TNIP1: variants seen among roughly 807,000 people sequenced by gnomAD.
TNIP1 encodes the protein TNFAIP3-interacting protein 1.
In TNIP1, 22 loss-of-function variants were observed where a neutral mutation model predicts 86.6. The ratio of observed to expected loss-of-function variants is 0.25; its 90% CI spans 0.18 to 0.36. The LOEUF (loss-of-function observed/expected upper bound fraction) is 0.36. TNIP1 is among the 10% of genes least tolerant of loss of function. TNIP1 has a pLI of 1.00. For missense variants in TNIP1, 709 were observed against 820.6 expected (o/e 0.86, Z 1.66); for synonymous variants, 294 against 313.0 (o/e 0.94, Z 0.64).
At chr5:151,056,686 T>C in intron 6 of TNIP1, 80 bp downstream of exon 6, 1 of 1,350,924 alleles carries the variant, frequency 7.4e-7, no homozygotes, top group Non-Finnish European at 9.7e-7. Flanking sequence ...TACCAGTGGA[T>C]TCCCAGGAGC....
In TNIP1 at chr5:151,032,327, G is replaced by T; in HGVS notation, c.1836C>A (p.Ser612=). Residue 612 remains serine (S), a synonymous_variant, in exon 17 of 18, where the codon TCC becomes TCA. Coordinates refer to ENST00000521591, the MANE Select transcript of TNIP1 (RefSeq NM_006058.5). The part of the protein sequence containing the change: ...CGGVRNPNQS[S]QVMDPPTARP... Reference sequence around the variant, plus strand: ...TGGCTGTGGGAGGGTCCATCACTTGGGAGCTCTGATTTGGATTTCGAACCC... The same window carrying T: ...TGGCTGTGGGAGGGTCCATCACTTGTGAGCTCTGATTTGGATTTCGAACCC... 6.2e-7 allele frequency: 1 copy of T among 1,614,060 alleles called. No homozygotes were observed. Among genetic ancestry groups the T allele is most frequent in the Non-Finnish European group, 8.5e-7 (1 of 1,179,982 alleles).
chr5:151,038,576 G>A (rs550570401), intron 12 of TNIP1, among the ~76,000 whole-genome samples: 2 of 152,270 alleles, frequency 1.3e-5, no homozygotes, highest in South Asian at 2.1e-4. Flanking sequence ...GCACAAGGGC[G>A]GGCCCCTCAG....
At chr5:151,084,810 C>G (rs993711044), upstream of TNIP1, among the ~76,000 whole-genome samples, 3 of 152,094 alleles carry the variant, frequency 2.0e-5, no homozygotes, top group African/African-American at 7.2e-5. Context: ...AGTGTAAGAC[C>G]CTCCAGTGGA....
chr5:151,054,263 G>A (rs534881751), intron 6 of TNIP1, among the ~76,000 whole-genome samples: 1 of 152,334 alleles, frequency 6.6e-6, no homozygotes, highest in African/African-American at 2.4e-5. Context: ...CTTTTGTTGT[G>A]TAACCCAGGG....
intron 10 of TNIP1, 51 bp downstream of exon 10, chr5:151,042,845 G>A (rs753206896): frequency 5.6e-6 from 9 of 1,610,296 alleles, no homozygotes; most frequent in East Asian, 4.5e-5. Context: ...AAGAGGCAGC[G>A]AGATGAAGAC....
At chr5:151,035,537 C>G (rs2233302) in intron 14 of TNIP1, 45 bp downstream of exon 14, 178,630 of 1,613,466 alleles carry the variant, frequency 0.11, 10,376 homozygotes, top group Middle Eastern at 0.19. Context: ...CCCCTCTCCC[C>G]ACGAGGACAG....
At chr5:151,067,695 T>C (rs890786489) in intron 1 of TNIP1, among the ~76,000 whole-genome samples, 3 of 152,148 alleles carry the variant, frequency 2.0e-5, no homozygotes, top group Non-Finnish European at 4.4e-5. Context: ...TGTGCCAGGG[T>C]ATCTTCAGAG....
chr5:151,033,775 C>T lies in TNIP1; in HGVS notation c.1612G>A (p.Glu538Lys). The T allele has an allele frequency of 7.3e-7, 1 of 1,364,390 alleles. No homozygotes were observed. The highest frequency in any genetic ancestry group is 9.5e-7 in the Non-Finnish European group (1 of 1,051,790). The allele number at this position is 1,364,390 out of a possible 1,614,324, so 84.5% of individuals were successfully genotyped here. A position where few individuals can be genotyped will look rare whatever the true frequency, so the allele number is the denominator to read the frequency against. Residue 538 changes from glutamate (E) to lysine (K), a missense_variant, in exon 16 of 18, where the codon GAG becomes AAG. Coordinates refer to ENST00000521591, the MANE Select transcript of TNIP1 (RefSeq NM_006058.5). ...AKASGERYHV[E>K]PHPEHLCGAY... is the part of the protein sequence containing the mutation. ...CCGCAGAGATGTTCTGGGTGGGGCT[C>T]CACATGGTAACGCTCTCCTGAGGCC...
chr5:151,063,908 A>G (rs544732701), intron 2 of TNIP1, among the ~76,000 whole-genome samples, 161 bp from the exon 3 acceptor site: 4 of 152,296 alleles, frequency 2.6e-5, no homozygotes, highest in Non-Finnish European at 2.9e-5. Flanking sequence ...GACAAACTCC[A>G]TGCTGGTCCA....
intron 13 of TNIP1, 92 bp downstream of exon 13, chr5:151,036,698 A>C (rs1364232322): frequency 9.5e-6 from 15 of 1,586,108 alleles, no homozygotes; most frequent in Admixed American, 1.7e-5. Flanking sequence ...TACTAATTAC[A>C]GGTTCCATGT....
intron 9 of TNIP1, among the ~76,000 whole-genome samples, chr5:151,045,255 A>C (rs1270673645): frequency 6.6e-6 from 1 of 151,970 alleles, no homozygotes; most frequent in Non-Finnish European, 1.5e-5. Flanking sequence ...ATGCCCGCTA[A>C]TTTTTTGTAT....
In TNIP1 at chr5:151,064,566, C is replaced by T. The variant is rs149243334; in HGVS notation, c.136+394G>A. Reference sequence around the variant, plus strand: ...CCTCCTTGCTTCAAGCCAAGCTCTGCTCCCTGCTCCAACACCTAGGAACGC... The same window carrying T: ...CCTCCTTGCTTCAAGCCAAGCTCTGTTCCCTGCTCCAACACCTAGGAACGC... On this transcript the variant is annotated intron_variant, in intron 2 of 17. Transcript: ENST00000521591. Among the ~76,000 whole-genome samples the T allele has an allele frequency of 1.5e-4, 22 of 147,522 alleles. No individual in the cohort carries two copies. The East Asian group carries it at 4.5e-3, about 30-fold the overall frequency.
Position 151,033,661 on chromosome 5 carries a change from G to A in TNIP1, c.1726C>T (p.Pro576Ser), listed in dbSNP as rs150564405. ...DWSQIRYPPP[P>S]MAMEHPPPLP... is the part of the protein sequence containing the mutation. ...GGGGGCGGGTGCTCCATGGCCATGGGGGGAGGGGGGTAGCGGATCTGGGAC... is the reference window on the plus strand; with the variant it reads ...GGGGGCGGGTGCTCCATGGCCATGGAGGGAGGGGGGTAGCGGATCTGGGAC... The change falls in exon 16 of 18, where the codon CCC becomes TCC. Residue 576 changes from proline (P) to serine (S), a missense_variant. Physicochemically the swap from Pro to Ser is moderately conservative, Grantham distance 74. Coordinates refer to ENST00000521591, the MANE Select transcript of TNIP1 (RefSeq NM_006058.5). 3 of 1,353,848 alleles carry A rather than the reference G, an allele frequency of 2.2e-6. No individual in the cohort carries two copies. Among genetic ancestry groups the A allele is most frequent in the Admixed American group, 2.9e-5 (1 of 34,886 alleles). 83.9% of individuals were successfully genotyped at this position (1,353,848 alleles called of 1,614,324 possible).
In TNIP1 at chr5:151,059,862, TGTGTGCGCGCGCGC is replaced by T. The variant is rs773711445; in HGVS notation, c.435+442_435+455del. 4.5e-3 allele frequency among the ~76,000 whole-genome samples: 435 copies of T among 96,430 alleles called. 9 individuals carry two copies. The highest frequency in any genetic ancestry group is 0.039 in the East Asian group (111 of 2,842). The allele number at this position is 96,430 out of a possible 152,430, so 63.3% of individuals were successfully genotyped here. A position where few individuals can be genotyped will look rare whatever the true frequency, so the allele number is the denominator to read the frequency against. Reference sequence around the variant, plus strand: ...GTGTGTGTGTGTGTGTGTGTGTGTGTGTGTGCGCGCGCGCGCGCGCATGCGTGTAAGTGGAAAGT... The same window carrying T: ...GTGTGTGTGTGTGTGTGTGTGTGTGTGCGCGCATGCGTGTAAGTGGAAAGT... On this transcript the variant is annotated intron_variant, in intron 5 of 17. Transcript: ENST00000521591.
chr5:151,032,360 G>A lies in TNIP1; in HGVS notation c.1803C>T (p.Pro601=). ...FHLPEYTWRL[P]CGGVRNPNQS... is the part of the protein sequence containing the mutation. The stretch of plus-strand genomic sequence containing the variant: ...GATTTGGATTTCGAACCCCTCCACA[G>A]GGTAGACGCCAGGTGTATTCCGGCT... Residue 601 remains proline (P), a synonymous_variant, in exon 17 of 18, where the codon CCC becomes CCT. Transcript: ENST00000521591. 6.2e-7 allele frequency: 1 copy of A among 1,614,150 alleles called. No individual in the cohort carries two copies. The highest frequency in any genetic ancestry group is 8.5e-7 in the Non-Finnish European group (1 of 1,180,026).
At position 151,030,610 on chromosome 5, in the gene TNIP1, C is replaced by G; in HGVS notation, c.*103G>C. On this transcript the variant is annotated 3_prime_UTR_variant, in exon 18 of 18. Transcript: ENST00000521591. Reference sequence around the variant, plus strand: ...CCACCCATCTCAGCCTCTCATCCAGCTGAGGCTCTGGCCACACCGTGCAAG... The same window carrying G: ...CCACCCATCTCAGCCTCTCATCCAGGTGAGGCTCTGGCCACACCGTGCAAG... 1 of 1,581,216 alleles carries G rather than the reference C, an allele frequency of 6.3e-7. No homozygotes were observed. Among genetic ancestry groups the G allele is most frequent in the Non-Finnish European group, 8.6e-7 (1 of 1,158,776 alleles).
chr5:151,057,063 T>G, intron 5 of TNIP1, 106 bp from the exon 6 acceptor site: 5 of 1,161,466 alleles, frequency 4.3e-6, no homozygotes, highest in Non-Finnish European at 5.6e-6. Flanking sequence ...AGTTTCCCCC[T>G]GTGACCCCAG....
chr5:151,046,147 C>G, intron 8 of TNIP1, 197 bp from the exon 9 acceptor site: 2 of 575,152 alleles, frequency 3.5e-6, no homozygotes, highest in South Asian at 2.0e-5. Context: ...GATGATTCCC[C>G]CTCCCTGACT....
At chr5:151,078,138 C>T (rs6867766) in intron 1 of TNIP1, among the ~76,000 whole-genome samples, 12,556 of 152,266 alleles carry the variant, frequency 0.082, 1,126 homozygotes, top group African/African-American at 0.23. Flanking sequence ...CATAGCACAT[C>T]TCCCCATTTG....
Sources: allele counts gnomAD v4.1 joint callset (sites outside exome capture counted in the v4.1 genomes callset), GRCh38; gene constraint gnomAD v4.1.1; transcripts MANE v1.5; gene names NCBI Gene and HGNC (gene_info 2026-07-23, HGNC 2026-07-21).